SMIM10L3: variants seen among roughly 807,000 people sequenced by gnomAD.
SMIM10L3 encodes small integral membrane protein 10 like 3, also known as salivary gland specific protein SAGSIN1.
At chr7:6,337,123 G>A in the SMIM10L3 span, among the ~76,000 whole-genome samples, 3 of 150,742 alleles carry the variant, frequency 2.0e-5, no homozygotes, top group Admixed American at 6.6e-5. Context: ...CCAGGCTGGA[G>A]TGCAGTGGCG....
At chr7:6,347,866 C>T in the SMIM10L3 span, among the ~76,000 whole-genome samples, 5 of 146,524 alleles carry the variant, frequency 3.4e-5, no homozygotes, top group African/African-American at 7.6e-5. Flanking sequence ...CCAGCCTGGG[C>T]AACATAACGA....
the SMIM10L3 span, chr7:6,330,807 C>A: frequency 2.5e-6 from 4 of 1,614,180 alleles, no homozygotes; most frequent in Admixed American, 6.7e-5. Flanking sequence ...TGCAGGACAC[C>A]CGAGCAAAAC....
At chr7:6,331,863 T>C in the SMIM10L3 span, among the ~76,000 whole-genome samples, 1 of 150,672 alleles carries the variant, frequency 6.6e-6, no homozygotes, top group African/African-American at 2.4e-5. Flanking sequence ...GCCTTAGCCT[T>C]TTGAGTAGCT....
chr7:6,343,669 G>C, the SMIM10L3 span, among the ~76,000 whole-genome samples: 33 of 151,812 alleles, frequency 2.2e-4, no homozygotes, highest in Non-Finnish European at 4.1e-4. Flanking sequence ...CTTGCAAATA[G>C]TATTTTAAAA....
At chr7:6,348,918 G>C in the SMIM10L3 span, 4 of 385,154 alleles carry the variant, frequency 1.0e-5, no homozygotes, top group East Asian at 3.7e-5. Context: ...GTCACGCTCG[G>C]AGAAGTGCCT....
the SMIM10L3 span, among the ~76,000 whole-genome samples, chr7:6,345,022 G>A: frequency 0.028 from 4,291 of 152,124 alleles, 187 homozygotes; most frequent in African/African-American, 0.088. Flanking sequence ...ATTTACAGGC[G>A]TAAATCCCAC....
chr7:6,333,894 T>A, the SMIM10L3 span, among the ~76,000 whole-genome samples: 2 of 144,370 alleles, frequency 1.4e-5, no homozygotes, highest in Non-Finnish European at 3.0e-5. Flanking sequence ...TTGCCCAGGC[T>A]GGAGTGCAGT....
chr7:6,348,013 C>A, the SMIM10L3 span, among the ~76,000 whole-genome samples: 2 of 151,442 alleles, frequency 1.3e-5, no homozygotes, highest in Non-Finnish European at 1.5e-5. Flanking sequence ...CAGGTTCCAG[C>A]GATTCTGCCG....
the SMIM10L3 span, among the ~76,000 whole-genome samples, chr7:6,333,375 C>T: frequency 6.6e-6 from 1 of 152,028 alleles, no homozygotes; most frequent in African/African-American, 2.4e-5. Context: ...TCTGGCTACA[C>T]TGTGATGGAC....
At chr7:6,333,642 G>A in the SMIM10L3 span, among the ~76,000 whole-genome samples, 1 of 151,308 alleles carries the variant, frequency 6.6e-6, no homozygotes, top group South Asian at 2.1e-4. Flanking sequence ...GGGATTACAG[G>A]CAGGCACCAC....
chr7:6,345,168 T>C, the SMIM10L3 span, among the ~76,000 whole-genome samples: 1 of 151,864 alleles, frequency 6.6e-6, no homozygotes, highest in Non-Finnish European at 1.5e-5. Flanking sequence ...CCCAGGCTGG[T>C]GTGCAGCATC....
the SMIM10L3 span, among the ~76,000 whole-genome samples, chr7:6,331,711 C>A: frequency 6.6e-6 from 1 of 151,454 alleles, no homozygotes; most frequent in Non-Finnish European, 1.5e-5. Flanking sequence ...CTTAGTTCCC[C>A]ACCCTCAAAT....
the SMIM10L3 span, among the ~76,000 whole-genome samples, chr7:6,336,408 C>T: frequency 0.25 from 37,727 of 151,796 alleles, 4,912 homozygotes; most frequent in East Asian, 0.39. Flanking sequence ...AGGCCAGGCA[C>T]GGTGGCTCAT....
chr7:6,348,232 AGG>A, the SMIM10L3 span, among the ~76,000 whole-genome samples: 1 of 145,186 alleles, frequency 6.9e-6, no homozygotes, highest in Non-Finnish European at 1.5e-5. Flanking sequence ...ATTAAAAATA[AGG>A]GGGGGGGTTG....
the SMIM10L3 span, among the ~76,000 whole-genome samples, chr7:6,338,086 G>A: frequency 6.6e-6 from 1 of 152,180 alleles, no homozygotes; most frequent in Non-Finnish European, 1.5e-5. Flanking sequence ...TTACAGGCGT[G>A]AGCCACTATG....
the SMIM10L3 span, chr7:6,342,114 T>C: frequency 6.6e-6 from 1 of 152,224 alleles, no homozygotes; most frequent in Non-Finnish European, 1.5e-5. Context: ...TGCCAGGTGC[T>C]GTTCTAGGTG....
the SMIM10L3 span, among the ~76,000 whole-genome samples, chr7:6,336,482 A>G: frequency 6.6e-6 from 1 of 152,036 alleles, no homozygotes; most frequent in Non-Finnish European, 1.5e-5. Flanking sequence ...GGAGTTTGAG[A>G]CCAGCCTGGC....
the SMIM10L3 span, chr7:6,331,232 G>C: frequency 7.1e-7 from 1 of 1,400,144 alleles, no homozygotes; most frequent in Non-Finnish European, 9.7e-7. Context: ...ATCTCAATAT[G>C]AACCTAGGAA....
chr7:6,348,803 G>A, the SMIM10L3 span: 2 of 396,074 alleles, frequency 5.0e-6, no homozygotes, highest in African/African-American at 4.1e-5. Context: ...CCCTCTCCGC[G>A]CCGCGTCGCC....
Sources: gnomAD v4.1 joint callset for allele counts (sites outside exome capture counted in the v4.1 genomes callset) on GRCh38, gnomAD v4.1.1 for gene constraint, MANE v1.5 for transcripts, NCBI Gene and HGNC (gene_info 2026-07-23, HGNC 2026-07-21) for gene names.